Variants in KAZN observed in about 807,000 individuals in gnomAD.
KAZN encodes kazrin.
In KAZN, 40 loss-of-function variants were observed where a neutral mutation model predicts 87.4. The observed-to-expected ratio is 0.46, with a 90% CI of 0.36 to 0.60. The LOEUF (loss-of-function observed/expected upper bound fraction) is 0.60. Ranked by LOEUF, KAZN falls within the 20% of genes least tolerant of loss-of-function variation. KAZN has a pLI of 0.00. For synonymous variants in KAZN, 466 were observed against 458.3 expected, an observed-to-expected ratio of 1.02 and a Z score of -0.22; for missense variants, 898 against 1,073.9, an observed-to-expected ratio of 0.84 and a Z score of 2.29.
intron 1 of KAZN, among the ~76,000 whole-genome samples, chr1:14,156,321 A>G (rs1464204187): frequency 6.6e-6 from 1 of 152,218 alleles, no homozygotes; most frequent in African/African-American, 2.4e-5. Context: ...CGGCTGTTGC[A>G]TGAGATGCTC....
intron 1 of KAZN, among the ~76,000 whole-genome samples, chr1:13,999,967 G>C (rs1639705951): frequency 6.6e-6 from 1 of 152,138 alleles, no homozygotes; most frequent in Admixed American, 6.5e-5. Flanking sequence ...TAAATTCCTG[G>C]ACACATACAC....
chr1:14,414,291 C>T (rs948248384), intron 2 of KAZN, among the ~76,000 whole-genome samples: 3 of 151,118 alleles, frequency 2.0e-5, no homozygotes, highest in African/African-American at 7.3e-5. Flanking sequence ...CCACGAGTTC[C>T]CAAAGTAACT....
At chr1:15,038,728 C>G (rs1278639863) in intron 3 of KAZN, among the ~76,000 whole-genome samples, 1 of 151,974 alleles carries the variant, frequency 6.6e-6, no homozygotes, top group Non-Finnish European at 1.5e-5. Flanking sequence ...AAGGCATGAC[C>G]GTGACAGTAC....
intron 1 of KAZN, among the ~76,000 whole-genome samples, chr1:14,154,387 G>T (rs992679056): frequency 6.6e-6 from 1 of 151,778 alleles, no homozygotes; most frequent in African/African-American, 2.4e-5. Flanking sequence ...AATTCTAATG[G>T]TTTTTTTTGT....
intron 1 of KAZN, among the ~76,000 whole-genome samples, chr1:14,050,851 C>G (rs149543092): frequency 2.0e-5 from 3 of 152,334 alleles, no homozygotes; most frequent in Non-Finnish European, 4.4e-5. Flanking sequence ...CTGCCGCATC[C>G]TCAGAACAAA....
chr1:13,922,771 G>C (rs569143801), intron 1 of KAZN, among the ~76,000 whole-genome samples: 1 of 152,356 alleles, frequency 6.6e-6, no homozygotes, highest in East Asian at 1.9e-4. Context: ...AGAGTCAGTG[G>C]TGGGGTCACC....
chr1:14,393,089 GT>G (rs1294745806), intron 2 of KAZN, among the ~76,000 whole-genome samples: 10 of 152,156 alleles, frequency 6.6e-5, no homozygotes, highest in Admixed American at 6.5e-4. Flanking sequence ...CTTGAATATT[GT>G]TTGTTTTTAA....
intron 1 of KAZN, among the ~76,000 whole-genome samples, chr1:13,947,478 G>T (rs1010662196): frequency 6.6e-6 from 1 of 152,244 alleles, no homozygotes; most frequent in African/African-American, 2.4e-5. Flanking sequence ...TACAATTTGA[G>T]ATGAGATTTG....
intron 1 of KAZN, among the ~76,000 whole-genome samples, chr1:13,906,531 G>A (rs1184034448): frequency 6.6e-6 from 1 of 152,162 alleles, no homozygotes; most frequent in African/African-American, 2.4e-5. Flanking sequence ...ACCGGCCCAG[G>A]TTTCCAGTCT....
chr1:14,647,775 C>A lies in KAZN; in HGVS notation c.226+48552C>A, dbSNP rs79253078. Among the ~76,000 whole-genome samples the A allele has an allele frequency of 6.8e-3, 1,035 of 152,316 alleles. 7 individuals carry two copies. Among genetic ancestry groups the A allele is most frequent in the African/African-American group, 0.024 (996 of 41,550 alleles). On this transcript the variant is annotated intron_variant, in intron 1 of 14. Coordinates refer to ENST00000376030, the MANE Select transcript of KAZN (RefSeq NM_201628.3). ...TAAATTCAGACTGAAAAGAACAAAT[C>A]TGTAATCTAGGTATATTCTGGGGTT...
At chr1:14,382,573 G>GT (rs1253760773) in intron 2 of KAZN, among the ~76,000 whole-genome samples, 5 of 147,314 alleles carry the variant, frequency 3.4e-5, no homozygotes, top group Admixed American at 1.4e-4. Flanking sequence ...GCGGTGTTTG[G>GT]TTTTTTGTTC....
At position 14,117,561 on chromosome 1, in the gene KAZN, C is replaced by T. The variant is rs112803912; in HGVS notation, c.92-62874C>T. ...ACTAATACACCTCCCAAAGGCCCCACCTCCAAATACCATTACACTGGGGGT... is the reference window on the plus strand; with the variant it reads ...ACTAATACACCTCCCAAAGGCCCCATCTCCAAATACCATTACACTGGGGGT... On this transcript the variant is annotated intron_variant, in intron 1 of 16. Coordinates refer to the KAZN transcript ENST00000636203. Among the ~76,000 whole-genome samples, 171 of 152,234 alleles carry T rather than the reference C, an allele frequency of 1.1e-3. 1 individual carries two copies. The highest frequency in any genetic ancestry group is 4.0e-3 in the African/African-American group (167 of 41,544).
At chr1:14,089,165 A>C (rs1173260085) in intron 1 of KAZN, among the ~76,000 whole-genome samples, 1 of 151,874 alleles carries the variant, frequency 6.6e-6, no homozygotes, top group Non-Finnish European at 1.5e-5. Flanking sequence ...TATTCTTTTA[A>C]AATTTTTCTA....
intron 1 of KAZN, among the ~76,000 whole-genome samples, chr1:14,149,104 CTTTTTTTT>C (rs57657728): frequency 2.9e-5 from 2 of 69,592 alleles, no homozygotes; most frequent in Admixed American, 2.2e-4. Flanking sequence ...TCTTTCTTTC[CTTTTTTTT>C]TTTTTTTTTG....
At chr1:14,151,199 G>GC (rs540578906) in intron 1 of KAZN, among the ~76,000 whole-genome samples, 4 of 151,628 alleles carry the variant, frequency 2.6e-5, no homozygotes, top group Admixed American at 6.6e-5. Flanking sequence ...CCAGATTGTA[G>GC]AAAAAAAAGA....
chr1:14,913,961 A>G (rs2807564), intron 1 of KAZN, among the ~76,000 whole-genome samples: 127,045 of 152,154 alleles, frequency 0.83, 53,934 homozygotes, highest in Non-Finnish European at 0.91. Flanking sequence ...GGGATGTTAC[A>G]TAATTCCGAC....
At chr1:14,430,429 G>C (rs1345855090) in intron 2 of KAZN, among the ~76,000 whole-genome samples, 1 of 152,130 alleles carries the variant, frequency 6.6e-6, no homozygotes, top group Non-Finnish European at 1.5e-5. Context: ...AAAGAAATTA[G>C]CCAAGGGTCT....
At chr1:14,258,505 G>T (rs1650750394) in intron 2 of KAZN, among the ~76,000 whole-genome samples, 1 of 151,628 alleles carries the variant, frequency 6.6e-6, no homozygotes, top group Admixed American at 6.6e-5. Context: ...AAAGTGCTGG[G>T]ATTACAGGCG....
At chr1:14,784,781 T>C (rs1288213083) in intron 1 of KAZN, among the ~76,000 whole-genome samples, 2 of 152,052 alleles carry the variant, frequency 1.3e-5, no homozygotes, top group Admixed American at 6.6e-5. Context: ...TTCAAGTGAC[T>C]ACTCCAGACC....
Sources: allele counts gnomAD v4.1 joint callset (sites outside exome capture counted in the v4.1 genomes callset), GRCh38; gene constraint gnomAD v4.1.1; transcripts MANE v1.5; gene names NCBI Gene and HGNC (gene_info 2026-07-23, HGNC 2026-07-21).